The following TMC2 variants were observed in gnomAD, a reference collection of about 807,000 sequenced individuals.
The protein encoded by TMC2 is transmembrane channel-like protein 2.
In TMC2, 102 loss-of-function variants were observed where a neutral mutation model predicts 105.9. The observed-to-expected ratio is 0.96, with a 90% CI of 0.82 to 1.14. The LOEUF (loss-of-function observed/expected upper bound fraction) is 1.14, where lower values mean the gene tolerates loss of function less well. TMC2 is among the 50% of genes most tolerant of loss of function. The pLI is 0.00. For synonymous variants in TMC2, 402 were observed against 422.8 expected (o/e 0.95, Z 0.60); for missense variants, 1,093 against 1,134.3 (o/e 0.96, Z 0.52).
chr20:2,631,205 C>T (rs562734484), intron 17 of TMC2, among the ~76,000 whole-genome samples: 102 of 152,278 alleles, frequency 6.7e-4, no homozygotes, highest in Admixed American at 1.3e-3. Context: ...CCCTGTACAA[C>T]TCCATTCCCT....
In TMC2 at chr20:2,617,172, C is replaced by T. The variant is rs199779948; in HGVS notation, c.2041C>T (p.Pro681Ser). 7 of 1,614,116 alleles carry T rather than the reference C, an allele frequency of 4.3e-6. No homozygotes were observed. The highest frequency in any genetic ancestry group is 5.9e-6 in the Non-Finnish European group (7 of 1,180,058). Residue 681 changes from proline (P) to serine (S), a missense_variant, in exon 16 of 20, where the codon CCC (proline) becomes TCC (serine). Physicochemically the swap from Pro to Ser is moderately conservative, Grantham distance 74. Transcript: ENST00000358864. ...QCWAVMSSNV[P>S]HERVFKASRS... ...CTGGGCGGTGATGAGCAGCAACGTA[C>T]CCCATGAACGCGTGTTCAAAGCCTC...
chr20:2,578,303 G>C (rs944825236), intron 5 of TMC2, among the ~76,000 whole-genome samples: 2 of 152,198 alleles, frequency 1.3e-5, no homozygotes, highest in Admixed American at 1.3e-4. Context: ...CTGGGCAACA[G>C]AGTGAGACTC....
Position 2,558,512 on chromosome 20 carries a change from C to G in TMC2, c.139C>G (p.Pro47Ala), listed in dbSNP as rs752951829. Residue 47 changes from proline to alanine, a missense_variant, in exon 3 of 20, where the codon CCA (proline) becomes GCA (alanine). Physicochemically the swap from Pro to Ala is conservative, Grantham distance 27 (BLOSUM62 -1). Transcript: ENST00000358864. The surrounding 1 kb of genome is among the most constrained non-coding windows in gnomAD (Gnocchi z 4.6). Reference protein sequence around the residue: ...SKRALKAEGTPGRRGAQRSQK... With the variant: ...SKRALKAEGTAGRRGAQRSQK... The stretch of plus-strand genomic sequence containing the variant: ...GCGGGCTCTCAAAGCCGAGGGGACC[C>G]CAGGCAGGCGCGGAGCTCAGCGAAG... 47 of 1,557,468 alleles carry G rather than the reference C, an allele frequency of 3.0e-5. No individual in the cohort carries two copies. The highest frequency in any genetic ancestry group is 4.0e-5 in the Non-Finnish European group (46 of 1,150,804).
chr20:2,556,275 T>C (rs1202777366), intron 2 of TMC2, among the ~76,000 whole-genome samples: 2 of 152,128 alleles, frequency 1.3e-5, no homozygotes, highest in East Asian at 3.9e-4. Flanking sequence ...GAGACGGGGT[T>C]TCACCATGTT....
chr20:2,625,211 A>C (rs2086555687), intron 17 of TMC2, among the ~76,000 whole-genome samples: 1 of 152,242 alleles, frequency 6.6e-6, no homozygotes, highest in Non-Finnish European at 1.5e-5. Context: ...TTATTTTGGC[A>C]TGCTTTTTTA....
intron 19 of TMC2, among the ~76,000 whole-genome samples, chr20:2,638,063 C>T (rs991709256): frequency 7.2e-5 from 11 of 152,198 alleles, no homozygotes; most frequent in African/African-American, 2.4e-4. Flanking sequence ...AAGTCTAGGC[C>T]GGGCGTGGTG....
chr20:2,638,569 CAGG>C (rs1040391036), intron 19 of TMC2, among the ~76,000 whole-genome samples: 1 of 152,082 alleles, frequency 6.6e-6, no homozygotes, highest in African/African-American at 2.4e-5. Context: ...GTTGTTATCA[CAGG>C]AGATGACAGC....
intron 5 of TMC2, among the ~76,000 whole-genome samples, chr20:2,578,813 G>T (rs1006322459): frequency 1.3e-5 from 2 of 152,216 alleles, no homozygotes; most frequent in African/African-American, 4.8e-5. Context: ...CATATCAGAG[G>T]TTGCTAACTC....
chr20:2,543,054 T>C (rs967517544), intron 2 of TMC2, among the ~76,000 whole-genome samples: 3 of 151,850 alleles, frequency 2.0e-5, no homozygotes, highest in Admixed American at 6.6e-5. Context: ...CTGGCCAACA[T>C]GGTGAAACCC....
chr20:2,558,686 G>T lies in TMC2; in HGVS notation c.313G>T (p.Ala105Ser), dbSNP rs1235464066. The T allele has an allele frequency of 6.2e-7, 1 of 1,602,870 alleles. No individual in the cohort carries two copies. Among genetic ancestry groups the T allele is most frequent in the Non-Finnish European group, 8.5e-7 (1 of 1,174,786 alleles). ...CEGRRKRDER[A>S]SFQERTAAPK... ...GGGCAGGAGAAAGCGCGACGAGAGG[G>T]CCTCCTTCCAGGAGCGGACAGCAGC... is the stretch of plus-strand genomic sequence containing the variant. The change falls in exon 3 of 20, where the codon GCC (alanine) becomes TCC (serine). Residue 105 changes from alanine (A) to serine (S), a missense_variant. Physicochemically the swap from Ala to Ser is moderately conservative, Grantham distance 99. Transcript: ENST00000358864. The surrounding 1 kb of genome is among the most constrained non-coding windows in gnomAD (Gnocchi z 4.6).
At chr20:2,576,545 T>C (rs1420359543) in intron 5 of TMC2, among the ~76,000 whole-genome samples, 1 of 152,208 alleles carries the variant, frequency 6.6e-6, no homozygotes, top group Admixed American at 6.5e-5. Context: ...GCCTATATTT[T>C]ATACTGATTT....
At chr20:2,626,927 G>T (rs182309409) in intron 17 of TMC2, among the ~76,000 whole-genome samples, 44 of 152,354 alleles carry the variant, frequency 2.9e-4, no homozygotes, top group Non-Finnish European at 5.9e-5. Context: ...AGCTTCTGCA[G>T]CCCTGAGCTT....
intron 19 of TMC2, among the ~76,000 whole-genome samples, chr20:2,640,377 A>G (rs1371894959): frequency 6.6e-6 from 1 of 152,178 alleles, no homozygotes; most frequent in Non-Finnish European, 1.5e-5. Context: ...ATTCGCTATA[A>G]TAAAATGATA....
At chr20:2,571,573 T>G (rs112475563) in intron 4 of TMC2, among the ~76,000 whole-genome samples, 1 of 152,226 alleles carries the variant, frequency 6.6e-6, no homozygotes, top group African/African-American at 2.4e-5. Flanking sequence ...TTGGTGGGAA[T>G]GTAAATTAGT....
At position 2,592,458 on chromosome 20, in the gene TMC2, A is replaced by G. The variant is rs1311040212; in HGVS notation, c.933+50A>G. 4 of 1,244,866 alleles carry G rather than the reference A, an allele frequency of 3.2e-6. No homozygotes were observed. The highest frequency in any genetic ancestry group is 1.2e-5 in the South Asian group (1 of 83,750). The allele number at this position is 1,244,866 out of a possible 1,614,324, so 77.1% of individuals were successfully genotyped here. On this transcript the variant is annotated intron_variant, in intron 8 of 19. Transcript: ENST00000358864. This position sits in a 1 kb window ranked among gnomAD's most constrained non-coding sequence, Gnocchi z 4.9. ...ACTTCCATTTGTGATTATAAAGGCT[A>G]AAGATTGCATGGATAAGTATGAAAT...
intron 16 of TMC2, 28 bp downstream of exon 16, chr20:2,617,339 C>A (rs1224808145): frequency 6.2e-7 from 1 of 1,613,240 alleles, no homozygotes; most frequent in East Asian, 2.2e-5. Context: ...CCCGGGAGCA[C>A]CTCCCCTCCC....
chr20:2,575,034 T>C (rs2086133776), intron 5 of TMC2, among the ~76,000 whole-genome samples: 1 of 152,186 alleles, frequency 6.6e-6, no homozygotes, highest in South Asian at 2.1e-4. Flanking sequence ...ACTCAATCTT[T>C]CTTATTCCTA....
At chr20:2,637,387 C>CAACAAA (rs552410230) in intron 18 of TMC2, 87 bp from the exon 19 acceptor site, 1 of 623,340 alleles carries the variant, frequency 1.6e-6, no homozygotes, top group Non-Finnish European at 2.6e-6. Flanking sequence ...GACTCTGTCT[C>CAACAAA]AAAAAAAAAA....
rs2086485317 is a variant in TMC2, at chr20:2,616,756, A to G, written c.1941-316A>G. ...ACTTCAAATACTCTTCTGAGCAGCAATGCTGTTTTATGGAAACCGAGGAGA... is the reference window on the plus strand; with the variant it reads ...ACTTCAAATACTCTTCTGAGCAGCAGTGCTGTTTTATGGAAACCGAGGAGA... On this transcript the variant is annotated intron_variant, in intron 15 of 19. Transcript: ENST00000358864. This position sits in a 1 kb window ranked among gnomAD's most constrained non-coding sequence, Gnocchi z 4.8. Among the ~76,000 whole-genome samples, 1 of 152,230 alleles carries G rather than the reference A, an allele frequency of 6.6e-6. No homozygotes were observed. Among genetic ancestry groups the G allele is most frequent in the African/African-American group, 2.4e-5 (1 of 41,470 alleles).
Sources: allele counts gnomAD v4.1 joint callset (sites outside exome capture counted in the v4.1 genomes callset), GRCh38; gene constraint gnomAD v4.1.1; non-coding constraint Gnocchi (gnomAD v3.1); transcripts MANE v1.5; gene names NCBI Gene and HGNC (gene_info 2026-07-23, HGNC 2026-07-21).